KALRN: variants seen among roughly 807,000 people sequenced by gnomAD.
The protein encoded by KALRN is kalirin RhoGEF kinase.
Under a neutral mutation model 353.7 loss-of-function variants are expected in KALRN, and 70 were observed. The observed-to-expected ratio is 0.20, with a 90% confidence interval of 0.16 to 0.24. The LOEUF (loss-of-function observed/expected upper bound fraction) is 0.24, where lower values mean the gene tolerates loss of function less well. Among genes scored for constraint, KALRN ranks in the 10% least tolerant of loss-of-function variants. The pLI, the probability that KALRN is intolerant of heterozygous loss-of-function variation, is 1.00. For synonymous variants in KALRN, 1,391 were observed against 1,434.8 expected (o/e 0.97, Z 0.69); for missense variants, 2,791 against 3,756.7 (o/e 0.74, Z 6.72).
chr3:124,098,857 G>A (rs1485541646), intron 1 of KALRN, among the ~76,000 whole-genome samples: 2 of 152,190 alleles, frequency 1.3e-5, no homozygotes, highest in Non-Finnish European at 2.9e-5. Flanking sequence ...GGAGGTATGT[G>A]GATATGGTTA....
intron 36 of KALRN, among the ~76,000 whole-genome samples, chr3:124,636,597 G>A (rs944779652): frequency 6.6e-6 from 1 of 152,174 alleles, no homozygotes; most frequent in Non-Finnish European, 1.5e-5. Flanking sequence ...GCTTTGTGGA[G>A]GGGTAAGGGT....
At chr3:124,056,356 A>G (rs2041537426) in intron 1 of KALRN, among the ~76,000 whole-genome samples, 2 of 152,014 alleles carry the variant, frequency 1.3e-5, no homozygotes, top group Admixed American at 6.5e-5. Context: ...GTGCAGTTCT[A>G]TGTCTGTAGC....
chr3:124,657,901 T>A (rs1024596418), intron 41 of KALRN, 98 bp downstream of exon 41: 1 of 911,172 alleles, frequency 1.1e-6, no homozygotes. Context: ...CACCTGTAAT[T>A]CCAACACTTT....
chr3:124,417,385 T>A (rs2092563763), intron 14 of KALRN, among the ~76,000 whole-genome samples: 1 of 152,232 alleles, frequency 6.6e-6, no homozygotes, highest in African/African-American at 2.4e-5. Flanking sequence ...ACTTCTTCTC[T>A]CCCATGAAAT....
chr3:124,637,054 C>A, intron 36 of KALRN, 154 bp from the exon 37 acceptor site: 1 of 659,206 alleles, frequency 1.5e-6, no homozygotes, highest in East Asian at 2.7e-5. Context: ...ATGTATTACA[C>A]CCACACTCTT....
intron 37 of KALRN, among the ~76,000 whole-genome samples, chr3:124,642,011 G>T (rs2082084686): frequency 6.6e-6 from 1 of 152,192 alleles, no homozygotes; most frequent in South Asian, 2.1e-4. Flanking sequence ...GCCAAGTGTG[G>T]TGGCTCACAC....
chr3:124,144,599 C>T (rs2067069403), intron 1 of KALRN, among the ~76,000 whole-genome samples: 1 of 148,432 alleles, frequency 6.7e-6, no homozygotes, highest in Admixed American at 6.7e-5. Flanking sequence ...CCTCGTCTTC[C>T]TTCTCCTCCT....
At chr3:124,634,955 C>G (rs747591102) in intron 36 of KALRN, among the ~76,000 whole-genome samples, 1 of 152,162 alleles carries the variant, frequency 6.6e-6, no homozygotes, top group Non-Finnish European at 1.5e-5. Flanking sequence ...TATTTTAATT[C>G]TCTCTGCTTT....
intron 5 of KALRN, among the ~76,000 whole-genome samples, chr3:124,270,098 C>G (rs920624323): frequency 2.6e-5 from 4 of 152,192 alleles, no homozygotes; most frequent in Non-Finnish European, 5.9e-5. Flanking sequence ...CCTAGATTCT[C>G]TTTAAGCTAA....
rs1407730598 is a variant in KALRN, at chr3:124,269,069, C to G, written c.783C>G (p.Ser261Arg). 20 of 1,612,232 alleles carry G rather than the reference C, an allele frequency of 1.2e-5. No homozygotes were observed. Among genetic ancestry groups the G allele is most frequent in the African/African-American group, 2.7e-5 (2 of 74,888 alleles). The change falls in exon 5 of 60, where the codon AGC becomes AGG. Residue 261 changes from serine to arginine, a missense_variant. Ser to Arg is a moderately radical substitution (Grantham distance 110). Coordinates refer to ENST00000682506, the MANE Select transcript of KALRN (RefSeq NM_001388419.1). ...GQRLLQCIRC[S>R]DGFSGRNCIP... ...GGCTGCTGCAGTGCATCCGCTGCAG[C>G]GACGGCTTCTCAGGACGCAACTGCA... is the stretch of plus-strand genomic sequence containing the variant.
At chr3:124,709,834 C>T (rs1198702666) in intron 57 of KALRN, among the ~76,000 whole-genome samples, 1 of 152,156 alleles carries the variant, frequency 6.6e-6, no homozygotes, top group Non-Finnish European at 1.5e-5. Context: ...CACCCGAGTG[C>T]CCAACCTAAT....
intron 57 of KALRN, among the ~76,000 whole-genome samples, chr3:124,704,797 A>T (rs1165358660): frequency 1.3e-5 from 2 of 152,058 alleles, no homozygotes; most frequent in Non-Finnish European, 2.9e-5. Context: ...CAATCCACCC[A>T]CCTTGGCCTC....
intron 1 of KALRN, among the ~76,000 whole-genome samples, chr3:124,198,667 G>A (rs1214888024): frequency 1.3e-5 from 2 of 152,124 alleles, no homozygotes; most frequent in Non-Finnish European, 2.9e-5. Context: ...TTTTTTGGAG[G>A]TCCATTCAGC....
intron 33 of KALRN, among the ~76,000 whole-genome samples, chr3:124,526,845 T>C (rs2067634666): frequency 6.6e-6 from 1 of 152,192 alleles, no homozygotes. Context: ...TGTGTATTGC[T>C]AATAATTAGT....
intron 10 of KALRN, among the ~76,000 whole-genome samples, chr3:124,375,039 T>C (rs541122941): frequency 5.9e-5 from 9 of 152,224 alleles, no homozygotes; most frequent in Non-Finnish European, 1.2e-4. Context: ...AATATTTTTG[T>C]CCACATTTTT....
intron 28 of KALRN, 97 bp from the exon 29 acceptor site, chr3:124,488,107 G>A: frequency 1.4e-6 from 1 of 700,608 alleles, no homozygotes; most frequent in Non-Finnish European, 2.5e-6. Context: ...AACCATTACA[G>A]AGAGCGAAGC....
At position 124,311,064 on chromosome 3, in the gene KALRN, C is replaced by CTTTT. The variant is rs71145446; in HGVS notation, c.1092+12176_1092+12179dup. On this transcript the variant is annotated intron_variant, in intron 6 of 59. Transcript: ENST00000682506. ...TCAAAACCACAATGAGATACTACTT[C>CTTTT]TTTTTTTTTTTTTTTTTTTTTTTTT... Among the ~76,000 whole-genome samples the CTTTT allele has an allele frequency of 6.7e-3, 451 of 67,524 alleles. 73 individuals carry two copies. Among genetic ancestry groups the CTTTT allele is most frequent in the African/African-American group, 0.015 (262 of 17,034 alleles). The allele number at this position is 67,524 out of a possible 152,430, so 44.3% of individuals were successfully genotyped here. A position where few individuals can be genotyped will look rare whatever the true frequency, so the allele number is the denominator to read the frequency against.
At chr3:124,136,485 A>G (rs1004612763) in intron 1 of KALRN, among the ~76,000 whole-genome samples, 4 of 152,086 alleles carry the variant, frequency 2.6e-5, no homozygotes, top group African/African-American at 9.7e-5. Flanking sequence ...CCAAATTGCC[A>G]AGGTCCCCCC....
intron 3 of KALRN, among the ~76,000 whole-genome samples, chr3:124,249,178 T>C (rs1410162674): frequency 6.6e-6 from 1 of 152,176 alleles, no homozygotes; most frequent in Non-Finnish European, 1.5e-5. Context: ...TCAGAGGGAA[T>C]GGTCAAATGA....
Sources: gnomAD v4.1 joint callset for allele counts (sites outside exome capture counted in the v4.1 genomes callset) on GRCh38, gnomAD v4.1.1 for gene constraint, MANE v1.5 for transcripts, NCBI Gene and HGNC (gene_info 2026-07-23, HGNC 2026-07-21) for gene names.